PRKAR1B: variants seen among roughly 807,000 people sequenced by gnomAD.
The protein encoded by PRKAR1B is protein kinase cAMP-dependent type I regulatory subunit beta.
Under a neutral mutation model 46.5 loss-of-function variants are expected in PRKAR1B, and 22 were observed. The observed-to-expected ratio is 0.47, with a 90% CI of 0.34 to 0.68. The LOEUF (loss-of-function observed/expected upper bound fraction) is 0.68. PRKAR1B is among the 30% of genes least tolerant of loss of function. The probability of loss-of-function intolerance (pLI) is 0.01; values close to 1 mark genes in which losing one functional copy is unlikely to be tolerated. For missense variants in PRKAR1B, 445 were observed against 535.6 expected, an observed-to-expected ratio of 0.83 and a Z score of 1.67; for synonymous variants, 259 against 217.7, an observed-to-expected ratio of 1.19 and a Z score of -1.67.
intron 6 of PRKAR1B, among the ~76,000 whole-genome samples, chr7:599,796 C>G (rs536407681): frequency 7.6e-6 from 1 of 131,400 alleles, no homozygotes; most frequent in Admixed American, 7.2e-5. Context: ...GCCCCCCATT[C>G]ACCTTCACTC....
At chr7:661,087 G>A (rs1278893615) in intron 4 of PRKAR1B, among the ~76,000 whole-genome samples, 1 of 15,132 alleles carries the variant, frequency 6.6e-5, no homozygotes, top group Non-Finnish European at 1.1e-4. Flanking sequence ...CCACCCCAAC[G>A]GGTCCAAATA....
intron 9 of PRKAR1B, among the ~76,000 whole-genome samples, chr7:559,535 G>A (rs764484904): frequency 3.3e-5 from 5 of 152,216 alleles, no homozygotes; most frequent in African/African-American, 7.2e-5. Context: ...TGGGGCCGAC[G>A]CCAGGGAAGC....
chr7:578,368 G>C (rs1005803862), intron 9 of PRKAR1B, among the ~76,000 whole-genome samples: 57 of 152,350 alleles, frequency 3.7e-4, no homozygotes, highest in Admixed American at 2.9e-3. Context: ...GCCTGCCTGT[G>C]GTGGGGCCGT....
chr7:582,314 A>T (rs3924212), intron 8 of PRKAR1B, among the ~76,000 whole-genome samples: 3 of 152,206 alleles, frequency 2.0e-5, no homozygotes, highest in African/African-American at 4.8e-5. Context: ...CAGGCACAAA[A>T]GCCGTTCCCA....
intron 4 of PRKAR1B, among the ~76,000 whole-genome samples, chr7:639,091 A>C (rs1039852875): frequency 6.6e-6 from 1 of 152,118 alleles, no homozygotes; most frequent in African/African-American, 2.4e-5. Context: ...AAGATAAATA[A>C]AAATTTTAAA....
At chr7:551,531 T>C in intron 9 of PRKAR1B, 61 bp from the exon 10 acceptor site, 1 of 1,501,682 alleles carries the variant, frequency 6.7e-7, no homozygotes, top group Non-Finnish European at 9.0e-7. Context: ...GGGACACACG[T>C]GAGGGGTCAC....
In PRKAR1B at chr7:706,422, A is replaced by ATTTTTTTTTTT. The variant is rs33963335; in HGVS notation, c.177+4896_177+4906dup. Among the ~76,000 whole-genome samples the ATTTTTTTTTTT allele has an allele frequency of 5.2e-3, 534 of 102,274 alleles. 56 individuals carry two copies. Among genetic ancestry groups the ATTTTTTTTTTT allele is most frequent in the Non-Finnish European group, 6.8e-3 (364 of 53,350 alleles). The allele number at this position is 102,274 out of a possible 152,430, so 67.1% of individuals were successfully genotyped here. The stretch of plus-strand genomic sequence containing the variant: ...GCTGTGTTTTGCCATCAAATAAGGA[A>ATTTTTTTTTTT]TTTTTTTTTTTTTTTTTTTGAGACG... On this transcript the variant is annotated intron_variant, in intron 2 of 10. Transcript: ENST00000537384.
intron 4 of PRKAR1B, among the ~76,000 whole-genome samples, chr7:635,320 T>C (rs1210067642): frequency 6.6e-6 from 1 of 152,198 alleles, no homozygotes; most frequent in Admixed American, 6.5e-5. Context: ...TGGCCCTGAA[T>C]GTTCCGGATC....
chr7:555,034 C>A (rs1475422331), intron 9 of PRKAR1B, among the ~76,000 whole-genome samples: 1 of 152,240 alleles, frequency 6.6e-6, no homozygotes, highest in African/African-American at 2.4e-5. Context: ...GCCACCCCTA[C>A]ACCATCAGCA....
At position 677,287 on chromosome 7, in the gene PRKAR1B, G is replaced by T; in HGVS notation, c.382C>A (p.Leu128Met). The T allele has an allele frequency of 6.2e-7, 1 of 1,614,270 alleles. No homozygotes were observed. The highest frequency in any genetic ancestry group is 1.7e-5 in the Admixed American group (1 of 60,032). ...IPKDYKTMTALAKAISKNVLF... is the reference protein window; with the variant it reads ...IPKDYKTMTAMAKAISKNVLF... ...ACGTTCTTGGAGATGGCCTTGGCCA[G>T]CGCAGTCATGGTTTTGTAGTCCTTG... The change falls in exon 4 of 11, where the codon CTG (leucine) becomes ATG (methionine). Residue 128 changes from leucine to methionine, a missense_variant. By Grantham distance (15) the Leu-to-Met change is conservative. Transcript: ENST00000537384.
chr7:727,132 T>G lies in PRKAR1B; in HGVS notation c.-23+78A>C, dbSNP rs989778924. The G allele has an allele frequency of 2.0e-5, 24 of 1,202,738 alleles. No homozygotes were observed. In the Admixed American group the frequency reaches 4.7e-4, roughly 24 times the overall value. 74.5% of individuals were successfully genotyped at this position (1,202,738 alleles called of 1,614,324 possible). Reference sequence around the variant, plus strand: ...GCCCGCGCGCCGCCCGCCCGAGGCCTGTGAGGAGCTGCGCCTGGCGCTTGT... The same window carrying G: ...GCCCGCGCGCCGCCCGCCCGAGGCCGGTGAGGAGCTGCGCCTGGCGCTTGT... On this transcript the variant is annotated intron_variant, in intron 1 of 10. Coordinates refer to ENST00000537384, the MANE Select transcript of PRKAR1B (RefSeq NM_001164760.2).
intron 2 of PRKAR1B, among the ~76,000 whole-genome samples, chr7:687,408 A>T (rs1331286318): frequency 2.0e-5 from 3 of 152,234 alleles, no homozygotes; most frequent in African/African-American, 7.2e-5. Context: ...GCTAGAATCA[A>T]AAAAACATAA....
chr7:701,291 A>G (rs888397877), intron 2 of PRKAR1B, among the ~76,000 whole-genome samples: 1 of 139,712 alleles, frequency 7.2e-6, no homozygotes, highest in African/African-American at 3.2e-5. Flanking sequence ...AAAGAGAAAG[A>G]AAGAAAGAAA....
chr7:571,255 C>A (rs912330026), intron 9 of PRKAR1B, among the ~76,000 whole-genome samples: 2 of 152,218 alleles, frequency 1.3e-5, no homozygotes, highest in African/African-American at 4.8e-5. Context: ...CTGTCCGAGA[C>A]CCCAGCCAGG....
rs532595113 is a variant in PRKAR1B at position 673,777 on chromosome 7, G to A, written c.440+3452C>T. On this transcript the variant is annotated intron_variant, in intron 4 of 10. Coordinates refer to ENST00000537384, the MANE Select transcript of PRKAR1B (RefSeq NM_001164760.2). ...GCTGTGAGCAAGTACAGCAGGTCCTGAAACAACAGAAACGTATCGTCTCTG... is the reference window on the plus strand; with the variant it reads ...GCTGTGAGCAAGTACAGCAGGTCCTAAAACAACAGAAACGTATCGTCTCTG... 1.8e-4 allele frequency among the ~76,000 whole-genome samples: 28 copies of A among 152,312 alleles called. 1 individual carries two copies. The South Asian group carries it at 5.8e-3, about 32-fold the overall frequency.
At chr7:711,639 T>TA in intron 1 of PRKAR1B, 112 bp from the exon 2 acceptor site, 1 of 941,754 alleles carries the variant, frequency 1.1e-6, no homozygotes, top group South Asian at 1.6e-5. Context: ...AGAAAGTCAC[T>TA]GATTCTGCAT....
At position 574,944 on chromosome 7, in the gene PRKAR1B, T is replaced by C. The variant is rs560104669; in HGVS notation, c.891+4312A>G. On this transcript the variant is annotated intron_variant, in intron 9 of 10. Coordinates refer to ENST00000537384, the MANE Select transcript of PRKAR1B (RefSeq NM_001164760.2). ...TTTCCACCTGTCACCGCAGTCGTCCTGCTGGCGGTGGAGCGGCCGGGAGAG... is the reference window on the plus strand; with the variant it reads ...TTTCCACCTGTCACCGCAGTCGTCCCGCTGGCGGTGGAGCGGCCGGGAGAG... Among the ~76,000 whole-genome samples the C allele has an allele frequency of 2.3e-3, 346 of 152,374 alleles. 1 individual carries two copies. Among genetic ancestry groups the C allele is most frequent in the African/African-American group, 7.9e-3 (327 of 41,586 alleles).
chr7:653,967 T>A (rs971537844), intron 4 of PRKAR1B, among the ~76,000 whole-genome samples: 3 of 150,418 alleles, frequency 2.0e-5, no homozygotes, highest in Admixed American at 6.6e-5. Flanking sequence ...ACCATCATCA[T>A]CCCTTCATGA....
chr7:662,841 C>T (rs1256005390), intron 4 of PRKAR1B, among the ~76,000 whole-genome samples: 2 of 152,214 alleles, frequency 1.3e-5, no homozygotes, highest in Non-Finnish European at 2.9e-5. Flanking sequence ...GCCTCCAAAG[C>T]TCCCCCCACC....
Sources: gnomAD v4.1 joint callset for allele counts (sites outside exome capture counted in the v4.1 genomes callset) on GRCh38, gnomAD v4.1.1 for gene constraint, MANE v1.5 for transcripts, NCBI Gene and HGNC (gene_info 2026-07-23, HGNC 2026-07-21) for gene names.